CHODL: variants seen among roughly 807,000 people sequenced by gnomAD.
The protein encoded by CHODL is transmembrane protein MT75.
Under a neutral mutation model 34.5 loss-of-function variants are expected in CHODL, and 29 were observed. That is an observed-to-expected ratio of 0.84 (90% CI 0.63 to 1.15). CHODL has a LOEUF of 1.15. Among genes scored for constraint, CHODL ranks in the 50% most tolerant of loss-of-function variants. The probability of loss-of-function intolerance (pLI) is 0.00; values close to 1 mark genes in which losing one functional copy is unlikely to be tolerated. For synonymous variants in CHODL, 125 were observed against 116.1 expected, an observed-to-expected ratio of 1.08 and a Z score of -0.49; for missense variants, 332 against 332.5, an observed-to-expected ratio of 1.00 and a Z score of 0.01.
At chr21:18,118,577 C>T (rs1408404021) in intron 2 of CHODL, among the ~76,000 whole-genome samples, 1 of 152,138 alleles carries the variant, frequency 6.6e-6, no homozygotes, top group South Asian at 2.1e-4. Flanking sequence ...TTAACAAATG[C>T]ATCTTAAATG....
intron 2 of CHODL, among the ~76,000 whole-genome samples, chr21:18,234,090 A>G (rs932982147): frequency 2.0e-5 from 3 of 152,150 alleles, no homozygotes; most frequent in Admixed American, 6.5e-5. Flanking sequence ...TATAAGTGCA[A>G]TAAAACAAAT....
intron 2 of CHODL, among the ~76,000 whole-genome samples, chr21:18,189,737 C>G (rs879709654): frequency 1.3e-5 from 2 of 150,334 alleles, no homozygotes; most frequent in Admixed American, 6.7e-5. Flanking sequence ...CTGGTTCAAG[C>G]GATTCTCCTG....
At chr21:18,137,115 A>G (rs2072743187) in intron 2 of CHODL, among the ~76,000 whole-genome samples, 1 of 151,996 alleles carries the variant, frequency 6.6e-6, no homozygotes, top group Admixed American at 6.6e-5. Context: ...AATGACTTAA[A>G]TCCTTGGCCT....
chr21:18,144,157 A>G (rs1312357932), intron 2 of CHODL, among the ~76,000 whole-genome samples: 1 of 152,146 alleles, frequency 6.6e-6, no homozygotes, highest in Non-Finnish European at 1.5e-5. Context: ...TTATACATAA[A>G]GCTTATTTTA....
At chr21:18,131,457 T>C (rs1425367358) in intron 2 of CHODL, among the ~76,000 whole-genome samples, 1 of 152,206 alleles carries the variant, frequency 6.6e-6, no homozygotes, top group Non-Finnish European at 1.5e-5. Context: ...GAACATTTTG[T>C]TTAATGTAAC....
intron 2 of CHODL, among the ~76,000 whole-genome samples, chr21:18,237,189 G>A (rs571263163): frequency 2.0e-5 from 3 of 152,240 alleles, no homozygotes; most frequent in Non-Finnish European, 2.9e-5. Context: ...CACAAGATGT[G>A]TGGTTACCAT....
chr21:18,194,184 A>G (rs1406801559), intron 2 of CHODL, among the ~76,000 whole-genome samples: 5 of 152,220 alleles, frequency 3.3e-5, no homozygotes, highest in Non-Finnish European at 7.3e-5. Flanking sequence ...GAAACTGTGA[A>G]AAATTATCAA....
Position 18,097,667 on chromosome 21 carries a change from C to T in CHODL, c.-45+69696C>T, listed in dbSNP as rs1394631482. ...CTCAAAGCAGTCTACAGAGTCAATG[C>T]AATCTCCATCAAAATACCAATGACA... On this transcript the variant is annotated intron_variant, in intron 2 of 6. Coordinates refer to the CHODL transcript ENST00000400127. Among the ~76,000 whole-genome samples the T allele has an allele frequency of 2.0e-5, 3 of 152,068 alleles. No individual in the cohort carries two copies. In the East Asian group the frequency reaches 5.8e-4, roughly 29 times the overall value.
At chr21:17,977,929 A>AAAAAAAG (rs1217900881) in intron 1 of CHODL, among the ~76,000 whole-genome samples, 11 of 150,362 alleles carry the variant, frequency 7.3e-5, no homozygotes, top group Non-Finnish European at 1.3e-4. Context: ...AAAAAAAAAA[A>AAAAAAAG]AAAAAGAAAA....
intron 1 of CHODL, chr21:18,024,784 G>A (rs993953686): frequency 4.7e-4 from 71 of 152,090 alleles, no homozygotes; most frequent in Admixed American, 2.5e-3. Flanking sequence ...TAATGCCATG[G>A]GAGTTTATTT....
chr21:18,101,522 T>C (rs77033700), intron 2 of CHODL, among the ~76,000 whole-genome samples: 2 of 152,162 alleles, frequency 1.3e-5, no homozygotes, highest in Non-Finnish European at 2.9e-5. Flanking sequence ...TGTAGAGATA[T>C]TCATTTAATA....
rs2074270554 is a variant in CHODL, at chr21:18,252,564, T to C, written c.80-3945T>C. Among the ~76,000 whole-genome samples, 3 of 152,254 alleles carry C rather than the reference T, an allele frequency of 2.0e-5. No homozygotes were observed. The South Asian group carries it at 6.2e-4, about 32-fold the overall frequency. ...CAATAGCTGCTGCTTCTGATGATTT[T>C]GCTGCAACTTGGACCAAATTTGCAC... is the stretch of plus-strand genomic sequence containing the variant. On this transcript the variant is annotated intron_variant, in intron 1 of 5. Coordinates refer to ENST00000299295, the MANE Select transcript of CHODL (RefSeq NM_024944.3).
chr21:17,969,725 C>T (rs984974962), intron 1 of CHODL, among the ~76,000 whole-genome samples: 4 of 152,172 alleles, frequency 2.6e-5, no homozygotes, highest in African/African-American at 9.6e-5. Context: ...TTTTAAACAA[C>T]AGCATGTAGT....
intron 2 of CHODL, among the ~76,000 whole-genome samples, chr21:18,075,546 A>G (rs1220840388): frequency 6.6e-6 from 1 of 152,158 alleles, no homozygotes; most frequent in Non-Finnish European, 1.5e-5. Context: ...TCTCAGTTTC[A>G]TTATATTTAA....
intron 1 of CHODL, among the ~76,000 whole-genome samples, chr21:18,016,657 C>T (rs2064077295): frequency 6.6e-6 from 1 of 152,108 alleles, no homozygotes; most frequent in Non-Finnish European, 1.5e-5. Context: ...GCCTAGTGGA[C>T]CTATGAAAAG....
chr21:18,118,491 CATT>C (rs1371598623), intron 2 of CHODL, among the ~76,000 whole-genome samples: 1 of 152,156 alleles, frequency 6.6e-6, no homozygotes. Flanking sequence ...CTTTATCCAT[CATT>C]ATCATCTAAT....
At chr21:18,205,989 G>T (rs2073707391) in intron 2 of CHODL, among the ~76,000 whole-genome samples, 1 of 151,978 alleles carries the variant, frequency 6.6e-6, no homozygotes, top group Non-Finnish European at 1.5e-5. Flanking sequence ...TTCCACTCTG[G>T]TCAGATAAGA....
chr21:17,932,200 A>C, intron 1 of CHODL, among the ~76,000 whole-genome samples: 1 of 152,348 alleles, frequency 6.6e-6, no homozygotes, highest in South Asian at 2.1e-4. Flanking sequence ...AAGATATGAA[A>C]AAAAGGCTCA....
chr21:18,139,293 C>T (rs1037675152), intron 2 of CHODL, among the ~76,000 whole-genome samples: 2 of 151,862 alleles, frequency 1.3e-5, no homozygotes, highest in African/African-American at 4.8e-5. Context: ...CAATGAAGGA[C>T]TACGTAGAGA....
Sources: gnomAD v4.1 joint callset for allele counts (sites outside exome capture counted in the v4.1 genomes callset) on GRCh38, gnomAD v4.1.1 for gene constraint, MANE v1.5 for transcripts, NCBI Gene and HGNC (gene_info 2026-07-23, HGNC 2026-07-21) for gene names.